SLC12A8: variants seen among roughly 807,000 people sequenced by gnomAD.
SLC12A8 encodes the protein solute carrier family 12 member 8, also known as cation-chloride cotransporter 9.
Under a neutral mutation model 75.6 loss-of-function variants are expected in SLC12A8, and 69 were observed. The ratio of observed to expected loss-of-function variants is 0.91; its 90% CI spans 0.75 to 1.11. The LOEUF (loss-of-function observed/expected upper bound fraction) is 1.11, where lower values mean the gene tolerates loss of function less well. SLC12A8 is among the 50% of genes most tolerant of loss of function. The pLI is 0.00. For missense variants in SLC12A8, 877 were observed against 896.7 expected (o/e 0.98, Z 0.28); for synonymous variants, 365 against 372.8 (o/e 0.98, Z 0.24).
intron 6 of SLC12A8, chr3:125,123,755 G>T (rs62265710): frequency 0.13 from 19,666 of 152,206 alleles, 1,597 homozygotes; most frequent in Middle Eastern, 0.25. Context: ...ACGACACATA[G>T]GAATTGTTAC....
At chr3:125,181,674 CATAA>C (rs1198039110) in intron 4 of SLC12A8, among the ~76,000 whole-genome samples, 1 of 135,272 alleles carries the variant, frequency 7.4e-6, no homozygotes, top group Admixed American at 7.1e-5. Context: ...AAAATATCAA[CATAA>C]ATAAAAAGAT....
intron 6 of SLC12A8, among the ~76,000 whole-genome samples, chr3:125,123,113 A>G (rs590037): frequency 0.96 from 146,422 of 152,184 alleles, 70,666 homozygotes; most frequent in South Asian, 1. Flanking sequence ...AATGGCTCAC[A>G]CCTTTAATCC....
chr3:125,162,025 G>A (rs1290592799), intron 5 of SLC12A8, among the ~76,000 whole-genome samples: 2 of 152,190 alleles, frequency 1.3e-5, no homozygotes, highest in African/African-American at 4.8e-5. Flanking sequence ...GGCATTGTGC[G>A]ATCCTCTGCC....
chr3:125,091,118 A>G lies in SLC12A8; in HGVS notation c.1921+321T>C, dbSNP rs538827536. Among the ~76,000 whole-genome samples the G allele has an allele frequency of 1.4e-4, 22 of 152,312 alleles. No individual in the cohort carries two copies. The South Asian group carries it at 2.1e-3, about 14-fold the overall frequency. On this transcript the variant is annotated intron_variant, in intron 12 of 13. Coordinates refer to ENST00000469902, the MANE Select transcript of SLC12A8 (RefSeq NM_024628.6). ...TAGTATACATTTTAAACTTACCACA[A>G]TCCGCCATCAAGTGATGTTATAGTA...
chr3:125,193,334 CA>C (rs1934943084), intron 2 of SLC12A8, among the ~76,000 whole-genome samples: 1 of 152,190 alleles, frequency 6.6e-6, no homozygotes, highest in Non-Finnish European at 1.5e-5. Flanking sequence ...TGCACCACTG[CA>C]CTCCAGGCTG....
intron 6 of SLC12A8, among the ~76,000 whole-genome samples, chr3:125,135,284 G>A (rs1222603801): frequency 6.6e-6 from 1 of 152,240 alleles, no homozygotes; most frequent in Non-Finnish European, 1.5e-5. Flanking sequence ...TTCCACCTGT[G>A]GAAAGAGCGG....
At chr3:125,127,857 A>G (rs1448183671) in intron 6 of SLC12A8, among the ~76,000 whole-genome samples, 1 of 152,234 alleles carries the variant, frequency 6.6e-6, no homozygotes, top group Non-Finnish European at 1.5e-5. Flanking sequence ...AAAATTACAA[A>G]AAATAGACAT....
At chr3:125,188,624 A>G (rs1342531132) in intron 3 of SLC12A8, among the ~76,000 whole-genome samples, 1 of 152,236 alleles carries the variant, frequency 6.6e-6, no homozygotes, top group Non-Finnish European at 1.5e-5. Flanking sequence ...GTAATGTCAC[A>G]TGTTTTGCAA....
chr3:125,160,968 A>C (rs1934155874), intron 5 of SLC12A8, among the ~76,000 whole-genome samples: 1 of 152,146 alleles, frequency 6.6e-6, no homozygotes, highest in South Asian at 2.1e-4. Context: ...CGGGACTCTT[A>C]AGTGGTTTGT....
intron 9 of SLC12A8, among the ~76,000 whole-genome samples, chr3:125,108,458 T>C (rs548615300): frequency 2.2e-4 from 34 of 152,078 alleles, no homozygotes; most frequent in African/African-American, 7.7e-4. Flanking sequence ...AACCTCCGCC[T>C]CTTGGGCTTA....
At chr3:125,179,985 G>A (rs1440159691) in intron 4 of SLC12A8, among the ~76,000 whole-genome samples, 1 of 152,172 alleles carries the variant, frequency 6.6e-6, no homozygotes, top group Non-Finnish European at 1.5e-5. Context: ...CTGACATGCA[G>A]AGGATGATGC....
At chr3:125,139,509 G>A (rs566044026) in intron 5 of SLC12A8, among the ~76,000 whole-genome samples, 129 of 152,154 alleles carry the variant, frequency 8.5e-4, no homozygotes, top group Non-Finnish European at 1.6e-3. Flanking sequence ...CCCACCTCAC[G>A]GTCCCCTGTC....
At chr3:125,089,179 A>G (rs1560047184) in intron 12 of SLC12A8, among the ~76,000 whole-genome samples, 1 of 152,208 alleles carries the variant, frequency 6.6e-6, no homozygotes, top group Non-Finnish European at 1.5e-5. Flanking sequence ...ATCTCCACAA[A>G]TATCAACAGT....
chr3:125,107,729 G>T lies in SLC12A8; in HGVS notation c.1457C>A (p.Pro486Gln). ...CTTGCTTTTCCTCTTCTGACTTTCTGGGGTCCTGTTACCCTCTCCTTGCCT... is the reference window on the plus strand; with the variant it reads ...CTTGCTTTTCCTCTTCTGACTTTCTTGGGTCCTGTTACCCTCTCCTTGCCT... ...QPRQGEGNRT[P>Q]ESQKRKSKKA... Residue 486 changes from proline to glutamine, a missense_variant, in exon 10 of 14, where the codon CCA (proline) becomes CAA (glutamine). Coordinates refer to ENST00000469902, the MANE Select transcript of SLC12A8 (RefSeq NM_024628.6). 6.2e-7 allele frequency: 1 copy of T among 1,614,088 alleles called. No individual in the cohort carries two copies. Among genetic ancestry groups the T allele is most frequent in the Admixed American group, 1.7e-5 (1 of 60,004 alleles).
chr3:125,144,088 A>G (rs1446389448), intron 5 of SLC12A8, among the ~76,000 whole-genome samples: 1 of 152,186 alleles, frequency 6.6e-6, no homozygotes, highest in East Asian at 1.9e-4. Flanking sequence ...AGAGGCCTAC[A>G]GCGGAAAGAG....
Position 125,110,225 on chromosome 3 carries a change from C to G in SLC12A8, c.1023G>C (p.Glu341Asp). Residue 341 changes from glutamate (E) to aspartate (D), a missense_variant, in exon 9 of 14, where the codon GAG becomes GAC. Physicochemically the swap from Glu to Asp is conservative, Grantham distance 45. Coordinates refer to ENST00000469902, the MANE Select transcript of SLC12A8 (RefSeq NM_024628.6). ...GACAGGCAAGTGCAGGGATCACTTT[C>G]TCCTGGGCAATGCACTGCAGGATGC... is the stretch of plus-strand genomic sequence containing the variant. ...APRILQCIAQ[E>D]KVIPALACLG... 1 of 1,614,072 alleles carries G rather than the reference C, an allele frequency of 6.2e-7. No individual in the cohort carries two copies. The highest frequency in any genetic ancestry group is 8.5e-7 in the Non-Finnish European group (1 of 1,179,922).
At chr3:125,127,800 T>G (rs955727009) in intron 6 of SLC12A8, among the ~76,000 whole-genome samples, 1 of 152,246 alleles carries the variant, frequency 6.6e-6, no homozygotes, top group Non-Finnish European at 1.5e-5. Context: ...AAACTGTTGA[T>G]ATGTATAATT....
intron 2 of SLC12A8, among the ~76,000 whole-genome samples, chr3:125,199,020 C>T (rs1343525195): frequency 1.3e-5 from 2 of 152,054 alleles, no homozygotes; most frequent in East Asian, 1.9e-4. Context: ...CCTCGTGATC[C>T]ACCCTCCTTG....
At chr3:125,116,555 C>T (rs557207855) in intron 8 of SLC12A8, among the ~76,000 whole-genome samples, 1 of 152,306 alleles carries the variant, frequency 6.6e-6, no homozygotes, top group South Asian at 2.1e-4. Flanking sequence ...CTCTCATGTG[C>T]TGTCTCTGGG....
Sources: allele counts gnomAD v4.1 joint callset (sites outside exome capture counted in the v4.1 genomes callset), GRCh38; gene constraint gnomAD v4.1.1; transcripts MANE v1.5; gene names NCBI Gene and HGNC (gene_info 2026-07-23, HGNC 2026-07-21).